Variants in HYCC2 observed in about 807,000 individuals in gnomAD.
HYCC2 encodes hyccin 2.
chr2:201,028,882 A>G, the HYCC2 span, among the ~76,000 whole-genome samples: 197 of 152,308 alleles, frequency 1.3e-3, no homozygotes, highest in African/African-American at 4.6e-3. Context: ...CCTAGGCAAT[A>G]CCATTCAGGA....
chr2:200,987,229 G>T, the HYCC2 span: 2 of 692,152 alleles, frequency 2.9e-6, no homozygotes, highest in Non-Finnish European at 4.1e-6. Context: ...AGGGTGCTTT[G>T]CAAAGAGAAG....
chr2:201,015,519 C>G, the HYCC2 span, among the ~76,000 whole-genome samples: 1 of 152,198 alleles, frequency 6.6e-6, no homozygotes, highest in Non-Finnish European at 1.5e-5. Context: ...ATTTGCCTCA[C>G]TCTTCTCAAT....
At chr2:201,008,029 C>A in the HYCC2 span, among the ~76,000 whole-genome samples, 1 of 152,180 alleles carries the variant, frequency 6.6e-6, no homozygotes, top group Non-Finnish European at 1.5e-5. Flanking sequence ...AATCTCTATT[C>A]TTTCCCTGTA....
the HYCC2 span, among the ~76,000 whole-genome samples, chr2:201,044,924 G>A: frequency 4.5e-4 from 69 of 152,224 alleles, 1 homozygote; most frequent in East Asian, 0.012. Context: ...GGTTTCTTGT[G>A]GATCAAAATT....
At chr2:201,011,846 A>T in the HYCC2 span, among the ~76,000 whole-genome samples, 28 of 151,204 alleles carry the variant, frequency 1.9e-4, no homozygotes, top group Non-Finnish European at 3.5e-4. Flanking sequence ...TGCTAAACAG[A>T]TTAAAATTAA....
At chr2:200,991,608 G>A in the HYCC2 span, among the ~76,000 whole-genome samples, 1 of 151,660 alleles carries the variant, frequency 6.6e-6, no homozygotes, top group Non-Finnish European at 1.5e-5. Context: ...GCATGGTGAT[G>A]CCTACAATCC....
the HYCC2 span, among the ~76,000 whole-genome samples, chr2:201,004,191 C>T: frequency 6.6e-6 from 1 of 152,196 alleles, no homozygotes; most frequent in African/African-American, 2.4e-5. Flanking sequence ...TAATATAAAA[C>T]TGGCCTAATA....
the HYCC2 span, chr2:200,988,187 G>C: frequency 7.5e-7 from 1 of 1,329,962 alleles, no homozygotes; most frequent in Non-Finnish European, 1.0e-6. Context: ...TTAATATCAC[G>C]TGCTAAGACA....
chr2:200,987,786 T>A, the HYCC2 span, among the ~76,000 whole-genome samples: 1 of 152,210 alleles, frequency 6.6e-6, no homozygotes, highest in Non-Finnish European at 1.5e-5. Context: ...ACAGCTTGAC[T>A]ATTCAAGTAC....
chr2:201,055,665 C>T, the HYCC2 span, among the ~76,000 whole-genome samples: 1 of 151,864 alleles, frequency 6.6e-6, no homozygotes, highest in Admixed American at 6.6e-5. Context: ...GCCACTGCAC[C>T]CCAGCATGGG....
chr2:200,982,021 A>ACC, the HYCC2 span: 1 of 771,822 alleles, frequency 1.3e-6, no homozygotes, highest in Non-Finnish European at 2.0e-6. Flanking sequence ...ATTTAGGGGA[A>ACC]ATCTTAATCT....
chr2:201,022,111 G>A, the HYCC2 span: 1 of 1,289,266 alleles, frequency 7.8e-7, no homozygotes, highest in East Asian at 5.5e-5. Flanking sequence ...CTTGGAGGCT[G>A]TATCTGGGAA....
At chr2:201,008,625 T>A in the HYCC2 span, among the ~76,000 whole-genome samples, 1 of 146,752 alleles carries the variant, frequency 6.8e-6, no homozygotes, top group African/African-American at 2.7e-5. Flanking sequence ...CCAGGTGCAG[T>A]GGCTCATGCC....
chr2:201,030,986 A>G, the HYCC2 span, among the ~76,000 whole-genome samples: 1 of 152,116 alleles, frequency 6.6e-6, no homozygotes, highest in Non-Finnish European at 1.5e-5. Flanking sequence ...TTACCACAAC[A>G]TTGTTGCAAT....
At chr2:201,015,864 C>T in the HYCC2 span, among the ~76,000 whole-genome samples, 19 of 152,150 alleles carry the variant, frequency 1.2e-4, no homozygotes, top group Non-Finnish European at 1.9e-4. Context: ...GGCTCCTCAT[C>T]TCAACAGGCC....
chr2:200,989,971 C>A, the HYCC2 span, among the ~76,000 whole-genome samples: 1 of 152,032 alleles, frequency 6.6e-6, no homozygotes, highest in Admixed American at 6.5e-5. Context: ...ATCACCGAGA[C>A]AACTATTATA....
chr2:200,997,531 G>A, the HYCC2 span: 1 of 1,610,018 alleles, frequency 6.2e-7, no homozygotes, highest in Non-Finnish European at 8.5e-7. Flanking sequence ...GAAAACTCAG[G>A]ACTTCAAACC....
chr2:201,031,905 CT>C, the HYCC2 span, among the ~76,000 whole-genome samples: 4 of 152,170 alleles, frequency 2.6e-5, no homozygotes, highest in East Asian at 7.7e-4. Context: ...TTCCCAGCTA[CT>C]TTTCCCACTA....
the HYCC2 span, among the ~76,000 whole-genome samples, chr2:201,047,313 A>C: frequency 6.6e-6 from 1 of 151,810 alleles, no homozygotes; most frequent in Non-Finnish European, 1.5e-5. Flanking sequence ...ACCCAAACTG[A>C]AGCATAAAGG....
Sources: allele counts gnomAD v4.1 joint callset (sites outside exome capture counted in the v4.1 genomes callset), GRCh38; gene constraint gnomAD v4.1.1; transcripts MANE v1.5; gene names NCBI Gene and HGNC (gene_info 2026-07-23, HGNC 2026-07-21).